Variants in FAM227B observed in about 807,000 individuals in gnomAD.
FAM227B encodes family with sequence similarity 227 member B, also known as protein FAM227B.
FAM227B carries 88 observed loss-of-function variants against 73.8 expected under a neutral mutation model. That is an observed-to-expected ratio of 1.19 (90% CI 1.00 to 1.42). The LOEUF is 1.42. FAM227B is among the 40% of genes most tolerant of loss of function. FAM227B has a pLI of 0.00. For missense variants in FAM227B, 632 were observed against 590.9 expected (o/e 1.07, Z -0.72); for synonymous variants, 210 against 190.5 (o/e 1.10, Z -0.84).
intron 15 of FAM227B, chr15:49,328,877 T>A: frequency 3.0e-6 from 4 of 1,329,892 alleles, no homozygotes; most frequent in Non-Finnish European, 3.9e-6. Context: ...TCAATTCTTT[T>A]GGCCCTGAGC....
chr15:49,358,808 G>A (rs1227806247), intron 13 of FAM227B, among the ~76,000 whole-genome samples: 1 of 152,016 alleles, frequency 6.6e-6, no homozygotes, highest in African/African-American at 2.4e-5. Flanking sequence ...GAACAAAGCT[G>A]GAGACATCAC....
At chr15:49,543,101 TTTTA>T (rs2071317063) in intron 9 of FAM227B, among the ~76,000 whole-genome samples, 1 of 152,188 alleles carries the variant, frequency 6.6e-6, no homozygotes, top group Non-Finnish European at 1.5e-5. Flanking sequence ...TCCATAGTTG[TTTTA>T]TTTGTTTACA....
chr15:49,550,625 G>A (rs1421422785), intron 9 of FAM227B, among the ~76,000 whole-genome samples: 6 of 150,128 alleles, frequency 4.0e-5, no homozygotes, highest in Non-Finnish European at 5.9e-5. Flanking sequence ...GGGTAGAGGC[G>A]CTCCTCACAT....
At chr15:49,409,544 A>AAT (rs543516166) in intron 11 of FAM227B, among the ~76,000 whole-genome samples, 9 of 149,752 alleles carry the variant, frequency 6.0e-5, no homozygotes, top group Middle Eastern at 3.5e-3. Flanking sequence ...TATAAATAGG[A>AAT]ATATATATAT....
intron 11 of FAM227B, among the ~76,000 whole-genome samples, chr15:49,408,599 C>A (rs1038800422): frequency 2.4e-4 from 37 of 152,092 alleles, no homozygotes; most frequent in Non-Finnish European, 1.3e-4. Context: ...TTTTCTGCCT[C>A]TCTGTTTTTT....
At chr15:49,565,382 A>T (rs2074574731) in intron 9 of FAM227B, among the ~76,000 whole-genome samples, 1 of 52,510 alleles carries the variant, frequency 1.9e-5, no homozygotes, top group Non-Finnish European at 3.5e-5. Flanking sequence ...ACTCCATCTC[A>T]AAAAAAAAAA....
intron 13 of FAM227B, among the ~76,000 whole-genome samples, chr15:49,336,278 G>C (rs1009168036): frequency 6.6e-6 from 1 of 152,216 alleles, no homozygotes; most frequent in Non-Finnish European, 1.5e-5. Context: ...GGATTCCTCT[G>C]TCCTGTCTGT....
intron 3 of FAM227B, among the ~76,000 whole-genome samples, chr15:49,605,778 G>C (rs920145566): frequency 1.3e-5 from 2 of 152,092 alleles, no homozygotes; most frequent in South Asian, 2.1e-4. Context: ...CTGGAGCCTG[G>C]GTCCTCATGT....
At chr15:49,526,076 C>T (rs1381840975) in intron 10 of FAM227B, among the ~76,000 whole-genome samples, 1 of 152,004 alleles carries the variant, frequency 6.6e-6, no homozygotes, top group Non-Finnish European at 1.5e-5. Context: ...AAAGAAGATT[C>T]TACCCAACAA....
intron 11 of FAM227B, among the ~76,000 whole-genome samples, chr15:49,433,831 A>T (rs2050840546): frequency 6.6e-6 from 1 of 151,732 alleles, no homozygotes. Context: ...CAAAAACTAT[A>T]AACAGAAAAA....
chr15:49,619,750 G>A (rs1871346888), intron 1 of FAM227B, among the ~76,000 whole-genome samples: 2 of 152,106 alleles, frequency 1.3e-5, no homozygotes, highest in South Asian at 4.1e-4. Context: ...AACTAAAAAG[G>A]AAAATGGTTG....
At chr15:49,328,847 T>G (rs2038014038) in intron 15 of FAM227B, 172 bp from the exon 16 acceptor site, 1 of 1,369,076 alleles carries the variant, frequency 7.3e-7, no homozygotes, top group Admixed American at 3.1e-5. Flanking sequence ...GTAAACCATG[T>G]AATATATAAA....
intron 13 of FAM227B, chr15:49,365,922 T>G (rs2151440529): frequency 1.0e-6 from 1 of 964,900 alleles, no homozygotes; most frequent in South Asian, 1.3e-5. Context: ...TTGCTGATAC[T>G]ATGCAGAAAA....
At chr15:49,392,379 G>A (rs527454219) in intron 11 of FAM227B, among the ~76,000 whole-genome samples, 2 of 152,048 alleles carry the variant, frequency 1.3e-5, no homozygotes, top group African/African-American at 4.8e-5. Flanking sequence ...ATGTGCATGG[G>A]GAAGGACCTG....
intron 10 of FAM227B, among the ~76,000 whole-genome samples, chr15:49,525,080 C>G (rs980473759): frequency 6.6e-6 from 1 of 152,000 alleles, no homozygotes; most frequent in Non-Finnish European, 1.5e-5. Context: ...GTTGGGAAGG[C>G]ATTATTGGTT....
At chr15:49,531,629 C>T (rs924432460) in intron 10 of FAM227B, among the ~76,000 whole-genome samples, 1 of 151,954 alleles carries the variant, frequency 6.6e-6, no homozygotes, top group Non-Finnish European at 1.5e-5. Flanking sequence ...AGGATCATGT[C>T]TCATGCTTTT....
At chr15:49,481,187 CT>C (rs1391745071) in intron 11 of FAM227B, among the ~76,000 whole-genome samples, 1 of 152,136 alleles carries the variant, frequency 6.6e-6, no homozygotes, top group Non-Finnish European at 1.5e-5. Context: ...TTCCATATGT[CT>C]TTTAAATATT....
At chr15:49,352,936 G>C (rs1284357260) in intron 13 of FAM227B, among the ~76,000 whole-genome samples, 1 of 152,172 alleles carries the variant, frequency 6.6e-6, no homozygotes, top group Non-Finnish European at 1.5e-5. Context: ...TCTTACTGCA[G>C]TGTATTAAAC....
chr15:49,549,537 G>C (rs1208775892), intron 9 of FAM227B, among the ~76,000 whole-genome samples: 1 of 151,870 alleles, frequency 6.6e-6, no homozygotes, highest in South Asian at 2.1e-4. Flanking sequence ...GACTCTTAAC[G>C]AGCATGCTGC....
Sources: allele counts gnomAD v4.1 joint callset (sites outside exome capture counted in the v4.1 genomes callset), GRCh38; gene constraint gnomAD v4.1.1; transcripts MANE v1.5; gene names NCBI Gene and HGNC (gene_info 2026-07-23, HGNC 2026-07-21).